Variants in MTMR8 observed in about 807,000 individuals in gnomAD.
MTMR8 encodes the protein myotubularin related protein 8, also known as phosphatidylinositol-3,5-bisphosphate 3-phosphatase MTMR8.
In MTMR8, 65 loss-of-function variants were observed where a neutral mutation model predicts 39.3. The ratio of observed to expected loss-of-function variants is 1.65; its 90% CI spans 1.35 to 2.03. MTMR8 has a LOEUF of 2.03. MTMR8 is among the 30% of genes most tolerant of loss of function. MTMR8 has a pLI of 0.00. For synonymous variants in MTMR8, 245 were observed against 185.2 expected, an observed-to-expected ratio of 1.32 and a Z score of -2.62; for missense variants, 777 against 538.9, an observed-to-expected ratio of 1.44 and a Z score of -4.37.
At chrX:64,351,288 T>A (rs1020882196) in intron 4 of MTMR8, among the ~76,000 whole-genome samples, 6 of 111,265 alleles carry the variant, frequency 5.4e-5, no homozygotes, top group Non-Finnish European at 1.1e-4. Flanking sequence ...CCCTGCGAAG[T>A]CACAGCTCAT....
intron 12 of MTMR8, among the ~76,000 whole-genome samples, chrX:64,308,827 G>A (rs888882806): frequency 2.7e-5 from 3 of 111,356 alleles, no homozygotes; most frequent in Non-Finnish European, 5.7e-5. Flanking sequence ...TGTGGATGTT[G>A]AGTTGTTCTG....
intron 12 of MTMR8, among the ~76,000 whole-genome samples, chrX:64,316,849 G>A (rs1327897953): frequency 2.7e-5 from 3 of 110,076 alleles, no homozygotes; most frequent in East Asian, 2.9e-4. Context: ...AGTGGCTCAC[G>A]GCTGTAATCA....
chrX:64,305,652 T>A, intron 12 of MTMR8: 2 of 533,070 alleles, frequency 3.8e-6, no homozygotes, highest in South Asian at 4.6e-5. Flanking sequence ...TATTCCAGAG[T>A]CTACTACCAT....
chrX:64,328,076 T>C (rs1258678193), intron 12 of MTMR8, among the ~76,000 whole-genome samples: 1 of 111,473 alleles, frequency 9.0e-6, no homozygotes, highest in African/African-American at 3.3e-5. Flanking sequence ...AAAAGGAAAT[T>C]TGTGAAAAAC....
chrX:64,321,801 T>A (rs757620196), intron 12 of MTMR8, among the ~76,000 whole-genome samples: 1 of 112,239 alleles, frequency 8.9e-6, no homozygotes, highest in South Asian at 3.7e-4. Context: ...GGGTTTGTCA[T>A]ATGTGGTCTT....
intron 10 of MTMR8, among the ~76,000 whole-genome samples, chrX:64,332,997 C>T (rs1287222527): frequency 1.8e-5 from 2 of 111,393 alleles, no homozygotes; most frequent in Non-Finnish European, 3.8e-5. Context: ...GCCTAAATTC[C>T]ATGATCTGCC....
rs1475085003 is a variant in MTMR8, at chrX:64,305,445, A to T, written c.1481+23327T>A. On this transcript the variant is annotated intron_variant, in intron 12 of 13. Coordinates refer to ENST00000374852, the MANE Select transcript of MTMR8 (RefSeq NM_017677.4). ...TATCTGCAGCTGATTACCTGCAGTGATGTTACAGAGAAACCATACTGCCTC... is the reference window on the plus strand; with the variant it reads ...TATCTGCAGCTGATTACCTGCAGTGTTGTTACAGAGAAACCATACTGCCTC... 2.4e-5 allele frequency: 7 copies of T among 286,764 alleles called. No homozygotes were observed. The East Asian group carries it at 5.0e-4, about 20-fold the overall frequency. The allele number at this position is 286,764 out of a possible 1,213,427, so 23.6% of individuals were successfully genotyped here. A position where few individuals can be genotyped will look rare whatever the true frequency, so the allele number is the denominator to read the frequency against.
intron 12 of MTMR8, among the ~76,000 whole-genome samples, chrX:64,302,489 C>T (rs934006101): frequency 1.3e-4 from 15 of 111,957 alleles, no homozygotes; most frequent in East Asian, 5.7e-4. Context: ...GAGATGAACC[C>T]GGTACCTCAG....
chrX:64,280,854 AG>A (rs1159775256), intron 12 of MTMR8, among the ~76,000 whole-genome samples: 1 of 111,746 alleles, frequency 8.9e-6, no homozygotes, highest in Non-Finnish European at 1.9e-5. Context: ...GCAAAGTCTC[AG>A]GATACAAAAT....
intron 8 of MTMR8, among the ~76,000 whole-genome samples, chrX:64,338,292 C>T (rs991087571): frequency 8.9e-6 from 1 of 111,885 alleles, no homozygotes; most frequent in African/African-American, 3.2e-5. Context: ...GAGACAAACA[C>T]TTAAATGCAT....
At chrX:64,359,701 G>A (rs769241113) in intron 1 of MTMR8, among the ~76,000 whole-genome samples, 174 bp from the exon 2 acceptor site, 6 of 110,797 alleles carry the variant, frequency 5.4e-5, no homozygotes, top group South Asian at 3.8e-4. Context: ...AAATCAGTGC[G>A]GGAAAAACTA....
intron 12 of MTMR8, among the ~76,000 whole-genome samples, chrX:64,299,273 T>C (rs1308052665): frequency 1.4e-5 from 1 of 69,358 alleles, no homozygotes; most frequent in Non-Finnish European, 2.6e-5. Flanking sequence ...TATTGGTCTA[T>C]TCAGAGATTC....
At chrX:64,328,631 C>G in intron 12 of MTMR8, 141 bp downstream of exon 12, 1 of 503,035 alleles carries the variant, frequency 2.0e-6, no homozygotes, top group Non-Finnish European at 2.8e-6. Flanking sequence ...TCAGAAGCAG[C>G]AATGTATGGG....
chrX:64,283,436 C>T (rs1323271059), intron 12 of MTMR8, among the ~76,000 whole-genome samples: 1 of 112,152 alleles, frequency 8.9e-6, no homozygotes, highest in Non-Finnish European at 1.9e-5. Context: ...GAAACCTCTG[C>T]AGATTTAAAT....
chrX:64,334,505 C>T (rs1343093235), intron 10 of MTMR8, among the ~76,000 whole-genome samples: 1 of 104,521 alleles, frequency 9.6e-6, no homozygotes, highest in Non-Finnish European at 2.0e-5. Context: ...CATCATGTCA[C>T]TGCCTTGTTC....
chrX:64,294,662 G>A (rs1921507284), intron 12 of MTMR8, among the ~76,000 whole-genome samples: 1 of 111,702 alleles, frequency 9.0e-6, no homozygotes, highest in Non-Finnish European at 1.9e-5. Context: ...AGATCGAGAT[G>A]ACAGCAGATT....
At chrX:64,320,230 C>T (rs974053570) in intron 12 of MTMR8, among the ~76,000 whole-genome samples, 2 of 110,961 alleles carry the variant, frequency 1.8e-5, no homozygotes, top group African/African-American at 6.6e-5. Flanking sequence ...TACAAGAATG[C>T]TTGTGATTTT....
At chrX:64,368,962 C>A (rs1278631933) in intron 1 of MTMR8, among the ~76,000 whole-genome samples, 1 of 112,465 alleles carries the variant, frequency 8.9e-6, no homozygotes. Context: ...TATGAACAGA[C>A]ACTTCTCAAA....
chrX:64,372,180 A>T (rs1422820270), intron 1 of MTMR8, among the ~76,000 whole-genome samples: 1 of 108,790 alleles, frequency 9.2e-6, no homozygotes, highest in Non-Finnish European at 1.9e-5. Flanking sequence ...TGCAAAAAAA[A>T]AAAAATTACA....
Sources: allele counts gnomAD v4.1 joint callset (sites outside exome capture counted in the v4.1 genomes callset), GRCh38; gene constraint gnomAD v4.1.1; transcripts MANE v1.5; gene names NCBI Gene and HGNC (gene_info 2026-07-23, HGNC 2026-07-21).